ARL15: variants seen among roughly 807,000 people sequenced by gnomAD.
The protein encoded by ARL15 is ARF like GTPase 15, also known as ADP-ribosylation factor-like protein 15.
In ARL15, 19 loss-of-function variants were observed where a neutral mutation model predicts 25.2. The ratio of observed to expected loss-of-function variants is 0.75; its 90% confidence interval spans 0.53 to 1.10. The LOEUF (loss-of-function observed/expected upper bound fraction) is 1.10. ARL15 is among the 50% of genes least tolerant of loss of function. The pLI, the probability that ARL15 is intolerant of heterozygous loss-of-function variation, is 0.00. For missense variants in ARL15, 220 were observed against 246.0 expected (o/e 0.89, Z 0.71); for synonymous variants, 94 against 86.8 (o/e 1.08, Z -0.46).
rs575442062 is a variant in ARL15 at position 54,001,202 on chromosome 5, C to T, written c.462+112000G>A. ...GGGTTGTGTGTGCTTAGGTACTAGA[C>T]TCAGTAATCCACCCTCCCTTTTATT... On this transcript the variant is annotated intron_variant, in intron 4 of 4. Coordinates refer to ENST00000504924, the MANE Select transcript of ARL15 (RefSeq NM_019087.3). 1.6e-4 allele frequency among the ~76,000 whole-genome samples: 25 copies of T among 152,288 alleles called. No individual in the cohort carries two copies. The East Asian group carries it at 4.1e-3, about 25-fold the overall frequency.
At chr5:54,293,500 T>C (rs1287191752) in intron 1 of ARL15, among the ~76,000 whole-genome samples, 1 of 152,246 alleles carries the variant, frequency 6.6e-6, no homozygotes, top group African/African-American at 2.4e-5. Context: ...TCCTCCCCTA[T>C]ACCACAATGT....
At chr5:53,932,540 G>A (rs1277061866) in intron 4 of ARL15, among the ~76,000 whole-genome samples, 1 of 152,192 alleles carries the variant, frequency 6.6e-6, no homozygotes, top group Admixed American at 6.5e-5. Context: ...CACCATCTGG[G>A]TTGAGGAATG....
chr5:54,271,653 T>C (rs1400374597), intron 1 of ARL15, among the ~76,000 whole-genome samples: 1 of 152,182 alleles, frequency 6.6e-6, no homozygotes, highest in Non-Finnish European at 1.5e-5. Context: ...TATGCTAACT[T>C]AGTCAACAGA....
chr5:54,048,299 C>T (rs1426857891), intron 4 of ARL15: 1 of 151,776 alleles, frequency 6.6e-6, no homozygotes, highest in Non-Finnish European at 1.5e-5. Flanking sequence ...TGCATGCCAC[C>T]TCACTTGGCT....
At chr5:54,066,747 A>T (rs1751246556) in intron 4 of ARL15, among the ~76,000 whole-genome samples, 1 of 152,162 alleles carries the variant, frequency 6.6e-6, no homozygotes, top group Non-Finnish European at 1.5e-5. Context: ...GAAATCTTAT[A>T]ATAGGGTAAT....
chr5:54,113,396 G>T lies in ARL15; in HGVS notation c.268C>A (p.Arg90=). 1.2e-6 allele frequency: 2 copies of T among 1,613,606 alleles called. No individual in the cohort carries two copies. Among genetic ancestry groups the T allele is most frequent in the Non-Finnish European group, 1.7e-6 (2 of 1,179,796 alleles). ...TGGTAGTAGCGGCTCCAGTATTTCCGGATGTTATCAGCCCCTGTCAAAAAC... is the reference window on the plus strand; with the variant it reads ...TGGTAGTAGCGGCTCCAGTATTTCCTGATGTTATCAGCCCCTGTCAAAAAC... ...VKELGGADNI[R]KYWSRYYQGS... The change falls in exon 4 of 5, where the codon CGG becomes AGG. Residue 90 remains arginine, a synonymous_variant. Transcript: ENST00000504924.
At chr5:54,020,198 C>T (rs1749551395) in intron 4 of ARL15, among the ~76,000 whole-genome samples, 1 of 152,152 alleles carries the variant, frequency 6.6e-6, no homozygotes, top group African/African-American at 2.4e-5. Flanking sequence ...GTGTACGTTC[C>T]AGGAACCTGG....
intron 4 of ARL15, among the ~76,000 whole-genome samples, chr5:54,008,669 T>G (rs1021377338): frequency 6.6e-6 from 1 of 152,236 alleles, no homozygotes; most frequent in African/African-American, 2.4e-5. Context: ...GGGTGTATTT[T>G]GACTGCTACT....
chr5:54,294,361 T>C (rs1758414750), intron 1 of ARL15, among the ~76,000 whole-genome samples: 2 of 152,234 alleles, frequency 1.3e-5, no homozygotes, highest in African/African-American at 2.4e-5. Flanking sequence ...GAAAGACATA[T>C]GTATATTACG....
At chr5:54,126,465 G>A (rs1753254958) in intron 3 of ARL15, among the ~76,000 whole-genome samples, 1 of 152,108 alleles carries the variant, frequency 6.6e-6, no homozygotes, top group African/African-American at 2.4e-5. Context: ...TCAATCAACT[G>A]CCCAACTTAC....
chr5:54,248,204 G>A (rs1283922066), intron 1 of ARL15, among the ~76,000 whole-genome samples: 2 of 152,072 alleles, frequency 1.3e-5, no homozygotes, highest in Admixed American at 1.3e-4. Flanking sequence ...GGAGCATTTG[G>A]GAAATAACTG....
chr5:53,915,434 G>T (rs1022854623), intron 4 of ARL15, among the ~76,000 whole-genome samples: 6 of 152,188 alleles, frequency 3.9e-5, no homozygotes, highest in African/African-American at 1.2e-4. Context: ...ACAGAAGAGG[G>T]TGTGAGATTT....
intron 4 of ARL15, among the ~76,000 whole-genome samples, chr5:53,918,379 G>C (rs779235487): frequency 2.0e-5 from 3 of 151,938 alleles, no homozygotes; most frequent in African/African-American, 4.8e-5. Flanking sequence ...GTAGAGATGG[G>C]GGGGGATCTC....
intron 4 of ARL15, among the ~76,000 whole-genome samples, chr5:54,069,640 A>G (rs1751357519): frequency 6.6e-6 from 1 of 150,410 alleles, no homozygotes; most frequent in African/African-American, 2.4e-5. Context: ...GATAGGGAAG[A>G]CTTTTTTTTA....
intron 4 of ARL15, among the ~76,000 whole-genome samples, chr5:53,967,424 A>G (rs1747600767): frequency 6.6e-6 from 1 of 152,218 alleles, no homozygotes; most frequent in African/African-American, 2.4e-5. Flanking sequence ...ATGAAGATGG[A>G]GAGAAAAGTG....
chr5:54,045,923 T>C (rs1750495539), intron 4 of ARL15, among the ~76,000 whole-genome samples: 1 of 152,228 alleles, frequency 6.6e-6, no homozygotes, highest in African/African-American at 2.4e-5. Flanking sequence ...TCCTACTTGA[T>C]TGGTATTTCC....
At chr5:54,247,950 G>A (rs1007320184) in intron 1 of ARL15, among the ~76,000 whole-genome samples, 1 of 152,080 alleles carries the variant, frequency 6.6e-6, no homozygotes, top group African/African-American at 2.4e-5. Flanking sequence ...AAAGATGATG[G>A]AGCTTTTTTA....
intron 4 of ARL15, among the ~76,000 whole-genome samples, chr5:54,022,355 C>G (rs1749632693): frequency 6.6e-6 from 1 of 152,062 alleles, no homozygotes; most frequent in Non-Finnish European, 1.5e-5. Context: ...GCCCCTGTCT[C>G]TCATCTCTTG....
At chr5:53,918,115 C>T (rs11741356) in intron 4 of ARL15, among the ~76,000 whole-genome samples, 92,990 of 151,998 alleles carry the variant, frequency 0.61, 29,145 homozygotes, top group Middle Eastern at 0.8. Flanking sequence ...ACTAATGAAT[C>T]AAGAAATAAT....
Sources: gnomAD v4.1 joint callset for allele counts (sites outside exome capture counted in the v4.1 genomes callset) on GRCh38, gnomAD v4.1.1 for gene constraint, MANE v1.5 for transcripts, NCBI Gene and HGNC (gene_info 2026-07-23, HGNC 2026-07-21) for gene names.